The following SCAF4 variants were observed in gnomAD, a reference collection of about 807,000 sequenced individuals.
The protein encoded by SCAF4 is SR-related CTD associated factor 4.
Under a neutral mutation model 129.8 loss-of-function variants are expected in SCAF4, and 25 were observed. The observed-to-expected ratio is 0.19, with a 90% CI of 0.14 to 0.27. SCAF4 has a LOEUF of 0.27. Among genes scored for constraint, SCAF4 ranks in the 10% least tolerant of loss-of-function variants. The pLI is 1.00. For synonymous variants in SCAF4, 551 were observed against 497.7 expected (o/e 1.11, Z -1.43); for missense variants, 1,246 against 1,457.1 (o/e 0.86, Z 2.36).
chr21:31,692,322 T>C (rs2123533045), intron 13 of SCAF4, 27 bp downstream of exon 13: 1 of 1,530,032 alleles, frequency 6.5e-7, no homozygotes, highest in South Asian at 1.1e-5. Flanking sequence ...CTGTCCATCG[T>C]ACTTAAAAAA....
Position 31,696,203 on chromosome 21 carries a change from G to A in SCAF4, c.978C>T (p.Gly326=), listed in dbSNP as rs761548027. 8.7e-6 allele frequency: 14 copies of A among 1,613,350 alleles called. No individual in the cohort carries two copies. Among genetic ancestry groups the A allele is most frequent in the Middle Eastern group, 1.7e-4 (1 of 6,060 alleles). Residue 326 remains glycine (G), a synonymous_variant, in exon 9 of 20, where the codon GGC becomes GGT. Coordinates refer to ENST00000286835, the MANE Select transcript of SCAF4 (RefSeq NM_020706.2). ...GCTGTGTGTATGCTGGCTGCTGCAT[G>A]CCATCTCCAGGAAAGCCACTAAAAA... The part of the protein sequence containing the change: ...PQAPFGFPGD[G]MQQPAYTQHQ...
chr21:31,712,985 TCTTA>T (rs1387505441), intron 1 of SCAF4: 2 of 430,172 alleles, frequency 4.6e-6, no homozygotes, highest in Non-Finnish European at 6.2e-6. Context: ...CTTTTGTTTC[TCTTA>T]ATTAAAAATC....
chr21:31,694,545 C>A (rs1366857018), intron 10 of SCAF4, among the ~76,000 whole-genome samples: 1 of 152,102 alleles, frequency 6.6e-6, no homozygotes, highest in Non-Finnish European at 1.5e-5. Flanking sequence ...AAATTACATA[C>A]CATTTTAATA....
At chr21:31,723,609 G>GTTGTGTGTGTGTGTGTGTGT (rs112184778) in intron 1 of SCAF4, among the ~76,000 whole-genome samples, 1 of 146,038 alleles carries the variant, frequency 6.8e-6, no homozygotes, top group African/African-American at 2.5e-5. Context: ...TGATTTATAT[G>GTTGTGTGTGTGTGTGTGTGT]ATGTGTGTGT....
chr21:31,717,240 TTATC>T (rs1463084747), intron 1 of SCAF4, among the ~76,000 whole-genome samples: 1 of 152,172 alleles, frequency 6.6e-6, no homozygotes, highest in Non-Finnish European at 1.5e-5. Context: ...TTCTAGAAAT[TTATC>T]TAAGGCAATT....
At chr21:31,695,055 A>C in intron 9 of SCAF4, 75 bp from the exon 10 acceptor site, 1 of 1,164,308 alleles carries the variant, frequency 8.6e-7, no homozygotes, top group Non-Finnish European at 1.2e-6. Flanking sequence ...TATAAAACTA[A>C]AATATCCTCA....
chr21:31,709,698 A>T (rs973399860), intron 1 of SCAF4, among the ~76,000 whole-genome samples: 5 of 152,352 alleles, frequency 3.3e-5, no homozygotes, highest in African/African-American at 1.2e-4. Flanking sequence ...GCTGCAGAGT[A>T]TTACTACATT....
chr21:31,702,509 A>G (rs925887852), intron 4 of SCAF4, 130 bp from the exon 5 acceptor site: 24 of 424,572 alleles, frequency 5.7e-5, no homozygotes, highest in African/African-American at 8.6e-5. Flanking sequence ...ATAAACAAGG[A>G]AAAAAAAAAA....
intron 19 of SCAF4, among the ~76,000 whole-genome samples, chr21:31,675,224 C>T (rs535989441): frequency 6.6e-6 from 1 of 152,082 alleles, no homozygotes; most frequent in South Asian, 2.1e-4. Context: ...ATTCACAGGC[C>T]CTATATGCCA....
rs2050539635 is a variant in SCAF4, at chr21:31,701,830, G to A, written c.546C>T (p.Ser182=). 1.2e-6 allele frequency: 2 copies of A among 1,613,984 alleles called. No homozygotes were observed. Among genetic ancestry groups the A allele is most frequent in the African/African-American group, 1.3e-5 (1 of 74,916 alleles). Residue 182 remains serine (S), a synonymous_variant, in exon 6 of 20, where the codon AGC becomes AGT. Transcript: ENST00000286835. ...NSVPAVPQLP[S]SDAFAAVAQL... ...GAGCCACAGCAGCAAAAGCATCAGA[G>A]CTGGGCAACTGTGGTACAGCTGGGA...
In SCAF4 at chr21:31,679,308, T is replaced by C. The variant is rs374347475; in HGVS notation, c.2488+5741A>G. 5.9e-5 allele frequency among the ~76,000 whole-genome samples: 9 copies of C among 152,240 alleles called. No homozygotes were observed. The East Asian group carries it at 1.7e-3, about 29-fold the overall frequency. On this transcript the variant is annotated intron_variant, in intron 19 of 19. Coordinates refer to ENST00000286835, the MANE Select transcript of SCAF4 (RefSeq NM_020706.2). ...ATCAACCACTCATCTCTTTCATCAA[T>C]ACCTGAAGATCCCTAAGCATATATC...
chr21:31,719,536 C>T (rs578122523), intron 1 of SCAF4, among the ~76,000 whole-genome samples: 16 of 152,016 alleles, frequency 1.1e-4, no homozygotes, highest in African/African-American at 2.7e-4. Context: ...TGGAGCTTCA[C>T]GCTTGTTGCC....
chr21:31,690,046 C>T (rs892016123), intron 15 of SCAF4, among the ~76,000 whole-genome samples: 1 of 152,058 alleles, frequency 6.6e-6, no homozygotes, highest in South Asian at 2.1e-4. Flanking sequence ...TGTGATTTTC[C>T]CCCCTGCAAT....
At chr21:31,724,133 G>T (rs896376451) in intron 1 of SCAF4, among the ~76,000 whole-genome samples, 11 of 152,118 alleles carry the variant, frequency 7.2e-5, no homozygotes, top group African/African-American at 2.7e-4. Flanking sequence ...TGCAAATATT[G>T]AACAGAATGA....
chr21:31,689,091 ATCT>A (rs1051881512), intron 15 of SCAF4, among the ~76,000 whole-genome samples: 7 of 152,170 alleles, frequency 4.6e-5, no homozygotes, highest in East Asian at 1.9e-4. Context: ...AGATTACACC[ATCT>A]TCTTCTTTTT....
intron 16 of SCAF4, among the ~76,000 whole-genome samples, chr21:31,685,968 C>T (rs919384639): frequency 2.6e-5 from 4 of 151,772 alleles, no homozygotes; most frequent in Non-Finnish European, 5.9e-5. Context: ...TTTGGGAGGC[C>T]GAGGCAGGCG....
chr21:31,699,892 T>C (rs1299864594), intron 7 of SCAF4, among the ~76,000 whole-genome samples: 1 of 152,218 alleles, frequency 6.6e-6, no homozygotes, highest in African/African-American at 2.4e-5. Context: ...TAGTGGCAGC[T>C]TCTTAAACAT....
At chr21:31,728,719 TCCC>T (rs2051270759) in intron 1 of SCAF4, among the ~76,000 whole-genome samples, 1 of 152,076 alleles carries the variant, frequency 6.6e-6, no homozygotes, top group African/African-American at 2.4e-5. Flanking sequence ...CTTTCAATTT[TCCC>T]CCATCTTTCC....
intron 19 of SCAF4, among the ~76,000 whole-genome samples, chr21:31,680,531 C>T (rs956952900): frequency 6.6e-6 from 1 of 152,150 alleles, no homozygotes; most frequent in Non-Finnish European, 1.5e-5. Context: ...GATAAGTAAA[C>T]AGGCTTTTTG....
Sources: gnomAD v4.1 joint callset for allele counts (sites outside exome capture counted in the v4.1 genomes callset) on GRCh38, gnomAD v4.1.1 for gene constraint, MANE v1.5 for transcripts, NCBI Gene and HGNC (gene_info 2026-07-23, HGNC 2026-07-21) for gene names.